Variants in TXN2 observed in about 807,000 individuals in gnomAD.
TXN2 encodes thioredoxin, mitochondrial.
In TXN2, 12 loss-of-function variants were observed where a neutral mutation model predicts 14.6. The observed-to-expected ratio is 0.82, with a 90% CI of 0.53 to 1.33. The LOEUF (loss-of-function observed/expected upper bound fraction) is 1.33, where lower values mean the gene tolerates loss of function less well. TXN2 is among the 40% of genes most tolerant of loss of function. TXN2 has a pLI of 0.00. For synonymous variants in TXN2, 89 were observed against 81.0 expected, an observed-to-expected ratio of 1.10 and a Z score of -0.53; for missense variants, 173 against 207.7, an observed-to-expected ratio of 0.83 and a Z score of 1.03.
At chr22:36,479,382 A>C (rs1026851627) in intron 2 of TXN2, among the ~76,000 whole-genome samples, 17 of 145,162 alleles carry the variant, frequency 1.2e-4, no homozygotes, top group African/African-American at 4.1e-4. Context: ...CCCAGGCTGG[A>C]GTGCAATGGC....
At chr22:36,473,071 C>T (rs1030077826) in intron 3 of TXN2, among the ~76,000 whole-genome samples, 7 of 152,094 alleles carry the variant, frequency 4.6e-5, no homozygotes, top group Non-Finnish European at 8.8e-5. Flanking sequence ...CTCTGGGAGG[C>T]CGAGGTGGGC....
At position 36,467,104 on chromosome 22, in the gene TXN2, G is replaced by C. The variant is rs745938142; in HGVS notation, c.*700C>G. On this transcript the variant is annotated 3_prime_UTR_variant, in exon 4 of 4. Transcript: ENST00000216185. ...TGTTCACAGTTCAGCCCCCTGCTCAGAAAACCAACGGGCCAGCTAAGGAGA... is the reference window on the plus strand; with the variant it reads ...TGTTCACAGTTCAGCCCCCTGCTCACAAAACCAACGGGCCAGCTAAGGAGA... 1.2e-4 allele frequency: 18 copies of C among 153,386 alleles called. No individual in the cohort carries two copies. Among genetic ancestry groups the C allele is most frequent in the Non-Finnish European group, 2.3e-4 (16 of 68,670 alleles). The allele number at this position is 153,386 out of a possible 1,614,324, so 9.5% of individuals were successfully genotyped here. A position where few individuals can be genotyped will look rare whatever the true frequency, so the allele number is the denominator to read the frequency against.
intron 3 of TXN2, among the ~76,000 whole-genome samples, chr22:36,476,321 A>G (rs975652647): frequency 1.3e-5 from 2 of 152,142 alleles, no homozygotes. Context: ...GGCTGGGCGC[A>G]GTGGCTCATG....
intron 3 of TXN2, among the ~76,000 whole-genome samples, chr22:36,470,017 A>G (rs1568975622): frequency 6.6e-6 from 1 of 152,202 alleles, no homozygotes. Flanking sequence ...TTTCTTACAT[A>G]CAAATTAAAC....
At chr22:36,478,502 AT>A (rs1490910522) in intron 2 of TXN2, among the ~76,000 whole-genome samples, 1 of 151,952 alleles carries the variant, frequency 6.6e-6, no homozygotes, top group Non-Finnish European at 1.5e-5. Flanking sequence ...TTACTTATTT[AT>A]TTTTGAGATG....
intron 1 of TXN2, 54 bp from the exon 2 acceptor site, chr22:36,480,891 T>C (rs1312748697): frequency 3.3e-6 from 5 of 1,503,900 alleles, no homozygotes; most frequent in Non-Finnish European, 2.7e-6. Flanking sequence ...GTCGACACAC[T>C]AGAAAAAGAT....
chr22:36,478,803 C>T (rs143328108), intron 2 of TXN2, among the ~76,000 whole-genome samples: 2 of 151,876 alleles, frequency 1.3e-5, no homozygotes, highest in Non-Finnish European at 2.9e-5. Flanking sequence ...CCCGTCTCTA[C>T]TAAAAATACA....
At chr22:36,475,874 C>T (rs1475176488) in intron 3 of TXN2, among the ~76,000 whole-genome samples, 1 of 152,242 alleles carries the variant, frequency 6.6e-6, no homozygotes, top group African/African-American at 2.4e-5. Context: ...AGCCCTTCCT[C>T]CTCCTCTGCG....
rs552993409 is a variant in TXN2 at position 36,474,526 on chromosome 22, C to T, written c.387+2207G>A. Among the ~76,000 whole-genome samples the T allele has an allele frequency of 7.9e-5, 12 of 152,250 alleles. 1 individual carries two copies. In the South Asian group the frequency reaches 2.3e-3, roughly 29 times the overall value. ...GAGGAATAAAGCGGCCTCTTTCATT[C>T]ACTTGTTACCTGGAGGAGGAAGGAG... On this transcript the variant is annotated intron_variant, in intron 3 of 3. Transcript: ENST00000216185.
chr22:36,468,741 G>A, intron 3 of TXN2: 1 of 434,610 alleles, frequency 2.3e-6, no homozygotes, highest in South Asian at 1.7e-5. Context: ...AGAAAGATTT[G>A]AGTATAAAGC....
At chr22:36,469,114 GCTC>G (rs891398590) in intron 3 of TXN2, among the ~76,000 whole-genome samples, 5 of 152,162 alleles carry the variant, frequency 3.3e-5, no homozygotes. Context: ...ACGCAATCCG[GCTC>G]CTACCAGCCA....
At chr22:36,470,684 C>A (rs13053322) in intron 3 of TXN2, among the ~76,000 whole-genome samples, 19,520 of 151,766 alleles carry the variant, frequency 0.13, 1,469 homozygotes, top group African/African-American at 0.21. Context: ...CCTGTAATCC[C>A]AAGTACTTTG....
chr22:36,469,337 C>T (rs1006376091), intron 3 of TXN2, among the ~76,000 whole-genome samples: 10 of 152,258 alleles, frequency 6.6e-5, no homozygotes, highest in African/African-American at 2.2e-4. Flanking sequence ...ACAGAGGGCA[C>T]AAGGAAAAGT....
chr22:36,470,761 C>A (rs10212064), intron 3 of TXN2, among the ~76,000 whole-genome samples: 1 of 148,890 alleles, frequency 6.7e-6, no homozygotes, highest in African/African-American at 2.5e-5. Context: ...CATAGCAAGA[C>A]GTCGTCTCCA....
chr22:36,467,704 G>T lies in TXN2; in HGVS notation c.*100C>A. ...CCTGGGCTCTAAGCATGGGCCCCAG[G>T]AGCCAGACAGGAGGGAGGCAGCAGG... is the stretch of plus-strand genomic sequence containing the variant. On this transcript the variant is annotated 3_prime_UTR_variant, in exon 4 of 4. Coordinates refer to ENST00000216185, the MANE Select transcript of TXN2 (RefSeq NM_012473.4). The T allele has an allele frequency of 9.5e-7, 1 of 1,049,974 alleles. No homozygotes were observed. Among genetic ancestry groups the T allele is most frequent in the Non-Finnish European group, 1.5e-6 (1 of 684,214 alleles). The allele number at this position is 1,049,974 out of a possible 1,614,324, so 65.0% of individuals were successfully genotyped here.
intron 1 of TXN2, 168 bp downstream of exon 1, chr22:36,481,396 G>A (rs950184659): frequency 6.0e-6 from 1 of 167,370 alleles, no homozygotes; most frequent in Non-Finnish European, 1.4e-5. Flanking sequence ...AACCAATAAA[G>A]AAGGGACATG....
rs908450064 is a variant in TXN2, at chr22:36,481,557, C to G, written c.-1+7G>C. 2.0e-6 allele frequency: 2 copies of G among 999,830 alleles called. No homozygotes were observed. Among genetic ancestry groups the G allele is most frequent in the South Asian group, 9.4e-5 (2 of 21,316 alleles). The allele number at this position is 999,830 out of a possible 1,614,324, so 61.9% of individuals were successfully genotyped here. A position where few individuals can be genotyped will look rare whatever the true frequency, so the allele number is the denominator to read the frequency against. ...ACCACCTCGAGCCACCCCCACAGGG[C>G]TCCTACCTCCCTGCAATGCGAGCGG... On this transcript the variant is annotated splice_region_variant and intron_variant, in intron 1 of 3. Transcript: ENST00000216185.
intron 1 of TXN2, 136 bp from the exon 2 acceptor site, chr22:36,480,973 G>T: frequency 2.0e-6 from 2 of 993,270 alleles, no homozygotes; most frequent in Non-Finnish European, 2.7e-6. Flanking sequence ...TGTAAGATTT[G>T]TAGCGTGGAA....
At position 36,467,748 on chromosome 22, in the gene TXN2, G is replaced by C; in HGVS notation, c.*56C>G. On this transcript the variant is annotated 3_prime_UTR_variant, in exon 4 of 4. Coordinates refer to ENST00000216185, the MANE Select transcript of TXN2 (RefSeq NM_012473.4). ...CAGCAGGAAGGGCTGGCATGGAAGG[G>C]CTGAGTTCTATTGGGGTCCCACGCG... 2.8e-6 allele frequency: 4 copies of C among 1,448,992 alleles called. No individual in the cohort carries two copies. The highest frequency in any genetic ancestry group is 2.9e-6 in the Non-Finnish European group (3 of 1,032,042). 89.8% of individuals were successfully genotyped at this position (1,448,992 alleles called of 1,614,324 possible).
Sources: allele counts gnomAD v4.1 joint callset (sites outside exome capture counted in the v4.1 genomes callset), GRCh38; gene constraint gnomAD v4.1.1; transcripts MANE v1.5; gene names NCBI Gene and HGNC (gene_info 2026-07-23, HGNC 2026-07-21).